TNRC6B: variants seen among roughly 807,000 people sequenced by gnomAD.
The protein encoded by TNRC6B is trinucleotide repeat containing adaptor 6B.
TNRC6B carries 52 observed loss-of-function variants against 203.6 expected under a neutral mutation model. The observed-to-expected ratio is 0.26, with a 90% CI of 0.20 to 0.32. TNRC6B has a LOEUF of 0.32. Ranked by LOEUF, TNRC6B falls within the 10% of genes least tolerant of loss-of-function variation. The pLI, the probability that TNRC6B is intolerant of heterozygous loss-of-function variation, is 1.00. For missense variants in TNRC6B, 1,923 were observed against 2,286.2 expected, an observed-to-expected ratio of 0.84 and a Z score of 3.24; for synonymous variants, 838 against 845.7, an observed-to-expected ratio of 0.99 and a Z score of 0.16.
intron 3 of TNRC6B, among the ~76,000 whole-genome samples, chr22:40,257,979 A>C (rs1318234579): frequency 6.7e-6 from 1 of 150,124 alleles, no homozygotes; most frequent in African/African-American, 2.4e-5. Flanking sequence ...CTGCTACTCC[A>C]CTCTAGCCTG....
At chr22:40,075,039 A>G (rs1048820701) in intron 1 of TNRC6B, among the ~76,000 whole-genome samples, 9 of 151,054 alleles carry the variant, frequency 6.0e-5, no homozygotes, top group African/African-American at 2.2e-4. Flanking sequence ...TTCTTTGTGA[A>G]TAGTTCTATG....
intron 4 of TNRC6B, among the ~76,000 whole-genome samples, chr22:40,162,943 C>T (rs2068883112): frequency 6.6e-6 from 1 of 152,080 alleles, no homozygotes; most frequent in Non-Finnish European, 1.5e-5. Flanking sequence ...TTTTTTTGTA[C>T]TAGATCTTTG....
chr22:40,122,855 CTA>C (rs988387204), intron 2 of TNRC6B, among the ~76,000 whole-genome samples: 23 of 152,310 alleles, frequency 1.5e-4, no homozygotes, highest in African/African-American at 5.3e-4. Flanking sequence ...AGAATAACTA[CTA>C]TTCCCAAGTT....
intron 1 of TNRC6B, among the ~76,000 whole-genome samples, chr22:40,055,325 A>G (rs1346497226): frequency 6.6e-6 from 1 of 152,182 alleles, no homozygotes; most frequent in Non-Finnish European, 1.5e-5. Context: ...TTCCCAGGGA[A>G]GGTGACACTC....
At chr22:40,091,012 C>T (rs932370890) in intron 1 of TNRC6B, among the ~76,000 whole-genome samples, 1 of 152,152 alleles carries the variant, frequency 6.6e-6, no homozygotes, top group Non-Finnish European at 1.5e-5. Flanking sequence ...GACGGAGTCT[C>T]ACTCTCTCGC....
intron 1 of TNRC6B, among the ~76,000 whole-genome samples, chr22:40,214,101 A>G (rs1263171602): frequency 1.3e-5 from 2 of 152,004 alleles, no homozygotes; most frequent in Non-Finnish European, 1.5e-5. Flanking sequence ...CCCCATCTCT[A>G]CTAAAAAATA....
At chr22:40,163,515 C>T (rs1048345590) in intron 4 of TNRC6B, among the ~76,000 whole-genome samples, 1 of 136,348 alleles carries the variant, frequency 7.3e-6, no homozygotes, top group Non-Finnish European at 1.5e-5. Context: ...GTAATCCCAG[C>T]ACTTTGGGAG....
intron 1 of TNRC6B, among the ~76,000 whole-genome samples, chr22:40,082,614 AG>A (rs774240612): frequency 5.9e-5 from 9 of 152,234 alleles, no homozygotes; most frequent in Non-Finnish European, 1.3e-4. Context: ...GCATTTTTAC[AG>A]GTATGTATCC....
chr22:40,092,963 G>A (rs759024846), intron 1 of TNRC6B, among the ~76,000 whole-genome samples: 3 of 152,160 alleles, frequency 2.0e-5, no homozygotes, highest in Non-Finnish European at 4.4e-5. Flanking sequence ...GTCAAGGATG[G>A]GTTTTGCAAC....
At chr22:40,115,073 T>C (rs1466319184) in intron 1 of TNRC6B, among the ~76,000 whole-genome samples, 2 of 152,236 alleles carry the variant, frequency 1.3e-5, no homozygotes, top group African/African-American at 4.8e-5. Flanking sequence ...CTAGCCTACC[T>C]GTCCTCTACC....
At chr22:40,074,427 C>G (rs1482142078) in intron 1 of TNRC6B, among the ~76,000 whole-genome samples, 1 of 151,840 alleles carries the variant, frequency 6.6e-6, no homozygotes, top group Admixed American at 6.6e-5. Context: ...AGGAGGATTG[C>G]TTGAGTCCAG....
intron 1 of TNRC6B, among the ~76,000 whole-genome samples, chr22:40,212,703 C>T (rs867849679): frequency 6.6e-6 from 1 of 152,150 alleles, no homozygotes; most frequent in African/African-American, 2.4e-5. Context: ...CACAGTCTCA[C>T]TCTGTTGCCC....
intron 1 of TNRC6B, among the ~76,000 whole-genome samples, chr22:40,223,623 G>C (rs370838767): frequency 1.3e-5 from 2 of 152,164 alleles, no homozygotes. Flanking sequence ...TAATTGCATA[G>C]TATTCTCTTG....
At chr22:40,311,239 C>T (rs1253594839) in intron 17 of TNRC6B, among the ~76,000 whole-genome samples, 1 of 152,028 alleles carries the variant, frequency 6.6e-6, no homozygotes, top group African/African-American at 2.4e-5. Flanking sequence ...CATAGGATGC[C>T]TTGTAACATG....
chr22:40,071,472 G>A (rs2067947341), intron 1 of TNRC6B, among the ~76,000 whole-genome samples: 2 of 152,206 alleles, frequency 1.3e-5, no homozygotes, highest in African/African-American at 4.8e-5. Flanking sequence ...AGCGAATGTG[G>A]AAGCTTAAAA....
chr22:40,273,653 C>T, intron 7 of TNRC6B, 53 bp downstream of exon 7: 1 of 1,483,864 alleles, frequency 6.7e-7, no homozygotes, highest in Non-Finnish European at 9.0e-7. Context: ...GAAGGCAGAA[C>T]TGAGGTTTTG....
intron 1 of TNRC6B, among the ~76,000 whole-genome samples, chr22:40,104,112 G>A (rs1312610460): frequency 3.3e-5 from 5 of 151,940 alleles, no homozygotes; most frequent in Non-Finnish European, 4.4e-5. Flanking sequence ...TTAGCCAGGC[G>A]TGGTGGCGGG....
At chr22:40,272,926 T>G (rs946242621) in intron 6 of TNRC6B, among the ~76,000 whole-genome samples, 2 of 152,224 alleles carry the variant, frequency 1.3e-5, no homozygotes, top group Admixed American at 1.3e-4. Flanking sequence ...TAAAAAATTT[T>G]CCCCCTTTTC....
At chr22:40,300,769 G>C in intron 13 of TNRC6B, 141 bp from the exon 14 acceptor site, 1 of 1,212,674 alleles carries the variant, frequency 8.2e-7, no homozygotes, top group South Asian at 1.6e-5. Flanking sequence ...ATGTAACCAA[G>C]AGACCGGGAA....
Sources: allele counts gnomAD v4.1 joint callset (sites outside exome capture counted in the v4.1 genomes callset), GRCh38; gene constraint gnomAD v4.1.1; transcripts MANE v1.5; gene names NCBI Gene and HGNC (gene_info 2026-07-23, HGNC 2026-07-21).